The following NRXN3 variants were observed in gnomAD, a reference collection of about 807,000 sequenced individuals.
NRXN3 encodes the protein neurexin III.
Under a neutral mutation model 137.6 loss-of-function variants are expected in NRXN3, and 32 were observed. That is an observed-to-expected ratio of 0.23 (90% confidence interval 0.18 to 0.31). NRXN3 has a LOEUF of 0.31. Ranked by LOEUF, NRXN3 falls within the 10% of genes least tolerant of loss-of-function variation. NRXN3 has a pLI of 1.00. For missense variants in NRXN3, 1,574 were observed against 2,062.5 expected (o/e 0.76, Z 4.59); for synonymous variants, 798 against 784.5 (o/e 1.02, Z -0.29).
At chr14:78,565,085 G>C (rs2096824978) in intron 4 of NRXN3, among the ~76,000 whole-genome samples, 1 of 152,202 alleles carries the variant, frequency 6.6e-6, no homozygotes, top group Non-Finnish European at 1.5e-5. Flanking sequence ...AGGGATAACT[G>C]TGCCCTGTGT....
Position 79,036,593 on chromosome 14 carries a change from G to GT in NRXN3, c.3262+48485dup, listed in dbSNP as rs57154485. 2.4e-3 allele frequency among the ~76,000 whole-genome samples: 244 copies of GT among 101,614 alleles called. 1 individual carries two copies. The highest frequency in any genetic ancestry group is 8.5e-3 in the East Asian group (30 of 3,524). 66.7% of individuals were successfully genotyped at this position (101,614 alleles called of 152,430 possible). ...TTTTATTGTATTGTTTTCGTTTTGG[G>GT]TTTTTTTTTTTTTTTTTTTTTTTTT... On this transcript the variant is annotated intron_variant, in intron 15 of 20. Coordinates refer to ENST00000335750, the MANE Select transcript of NRXN3 (RefSeq NM_001330195.2).
At chr14:78,618,009 C>A (rs2097363503) in intron 4 of NRXN3, among the ~76,000 whole-genome samples, 1 of 151,804 alleles carries the variant, frequency 6.6e-6, no homozygotes, top group South Asian at 2.1e-4. Flanking sequence ...ATCCACCTAT[C>A]TATCTATTTA....
chr14:79,614,448 C>T (rs1895958475), intron 16 of NRXN3, among the ~76,000 whole-genome samples: 1 of 152,052 alleles, frequency 6.6e-6, no homozygotes, highest in African/African-American at 2.4e-5. Flanking sequence ...ACTGGATTGT[C>T]TTCTACCCAG....
intron 15 of NRXN3, among the ~76,000 whole-genome samples, chr14:79,237,267 G>C (rs533781302): frequency 2.0e-5 from 3 of 152,160 alleles, no homozygotes; most frequent in Admixed American, 1.3e-4. Flanking sequence ...AGCTTGCCCA[G>C]TTTCTATTTA....
chr14:79,470,653 G>A (rs2096487925), intron 16 of NRXN3, among the ~76,000 whole-genome samples: 1 of 152,186 alleles, frequency 6.6e-6, no homozygotes, highest in Non-Finnish European at 1.5e-5. Flanking sequence ...CCAGGGATAA[G>A]GGAAGAGGAC....
chr14:78,984,067 G>A (rs888930226), intron 14 of NRXN3, among the ~76,000 whole-genome samples: 3 of 151,770 alleles, frequency 2.0e-5, no homozygotes, highest in South Asian at 2.1e-4. Flanking sequence ...GCGGGGGGAG[G>A]GGATGGATGG....
intron 4 of NRXN3, among the ~76,000 whole-genome samples, chr14:78,307,902 CTT>C (rs1490636433): frequency 6.6e-6 from 1 of 152,096 alleles, no homozygotes; most frequent in East Asian, 1.9e-4. Flanking sequence ...TTATTTCACT[CTT>C]TTGGGCAAGT....
At chr14:79,078,584 A>C (rs1391316327) in intron 15 of NRXN3, among the ~76,000 whole-genome samples, 3 of 152,204 alleles carry the variant, frequency 2.0e-5, no homozygotes, top group Non-Finnish European at 4.4e-5. Context: ...GAAGAATAAG[A>C]GGTGGTAAAA....
intron 15 of NRXN3, among the ~76,000 whole-genome samples, chr14:79,359,372 G>T (rs2093604239): frequency 6.6e-6 from 1 of 151,912 alleles, no homozygotes; most frequent in South Asian, 2.1e-4. Context: ...TTTCCCTCTG[G>T]GTACAGAATG....
In NRXN3 at chr14:78,881,297, A is replaced by G. The variant is rs985674249; in HGVS notation, c.2275+70953A>G. 4.6e-5 allele frequency among the ~76,000 whole-genome samples: 7 copies of G among 151,776 alleles called. 1 individual carries two copies. The highest frequency in any genetic ancestry group is 1.7e-4 in the African/African-American group (7 of 41,050). ...GCTGTAAAGATGCCTGAAAATGTAG[A>G]AGCACCTTTGGAACTGGGTAACATA... On this transcript the variant is annotated intron_variant, in intron 10 of 20. Transcript: ENST00000335750.
chr14:79,697,278 G>A (rs73329968), intron 18 of NRXN3, among the ~76,000 whole-genome samples: 3,579 of 151,866 alleles, frequency 0.024, 150 homozygotes, highest in African/African-American at 0.082. Flanking sequence ...GTAGGTATCC[G>A]TAATTTATTC....
intron 10 of NRXN3, among the ~76,000 whole-genome samples, chr14:78,848,620 T>C (rs2099034327): frequency 6.6e-6 from 1 of 152,166 alleles, no homozygotes; most frequent in Admixed American, 6.6e-5. Context: ...TAGAAGAAAG[T>C]CTTTAAGGTA....
chr14:79,044,138 C>T (rs538912314), intron 15 of NRXN3, among the ~76,000 whole-genome samples: 1 of 152,296 alleles, frequency 6.6e-6, no homozygotes, highest in East Asian at 1.9e-4. Flanking sequence ...TTTTGTCTTC[C>T]ACCTAATTAC....
chr14:78,351,300 C>T (rs2083458172), intron 4 of NRXN3, among the ~76,000 whole-genome samples: 1 of 152,168 alleles, frequency 6.6e-6, no homozygotes, highest in Admixed American at 6.5e-5. Context: ...CTTTTGCAAA[C>T]ATTTCAGTTT....
intron 16 of NRXN3, among the ~76,000 whole-genome samples, chr14:79,497,046 T>G (rs1042084053): frequency 2.6e-5 from 4 of 152,190 alleles, no homozygotes; most frequent in African/African-American, 9.7e-5. Context: ...TACAGTAACT[T>G]TTCCAAGCTT....
chr14:79,459,964 T>C (rs11845057), intron 15 of NRXN3, among the ~76,000 whole-genome samples: 7,452 of 152,158 alleles, frequency 0.049, 634 homozygotes, highest in African/African-American at 0.17. Context: ...AGCGGAAGTA[T>C]CCTGAAATTT....
At chr14:78,433,042 C>T (rs1281821164) in intron 4 of NRXN3, among the ~76,000 whole-genome samples, 3 of 152,122 alleles carry the variant, frequency 2.0e-5, no homozygotes, top group Non-Finnish European at 4.4e-5. Context: ...TTGATGAGTC[C>T]CCCTCCTTAG....
chr14:79,221,526 G>A (rs2069672100), intron 15 of NRXN3, among the ~76,000 whole-genome samples: 1 of 152,072 alleles, frequency 6.6e-6, no homozygotes. Context: ...ATTTTTTCAT[G>A]TTTGTTGGCC....
chr14:79,171,653 T>A (rs1176758153), intron 15 of NRXN3, among the ~76,000 whole-genome samples: 4 of 151,840 alleles, frequency 2.6e-5, no homozygotes, highest in African/African-American at 9.7e-5. Flanking sequence ...ATCATAAGAG[T>A]GGATATAGTA....
Sources: gnomAD v4.1 joint callset for allele counts (sites outside exome capture counted in the v4.1 genomes callset) on GRCh38, gnomAD v4.1.1 for gene constraint, MANE v1.5 for transcripts, NCBI Gene and HGNC (gene_info 2026-07-23, HGNC 2026-07-21) for gene names.